The following IQCH variants were observed in gnomAD, a reference collection of about 807,000 sequenced individuals.
IQCH encodes IQ motif containing H.
A neutral mutation model predicts 117.0 loss-of-function variants in IQCH; 98 were observed. That is an observed-to-expected ratio of 0.84 (90% CI 0.71 to 0.99). IQCH has a LOEUF of 0.99. Ranked by LOEUF, IQCH falls within the 50% of genes least tolerant of loss-of-function variation. The pLI is 0.00. For synonymous variants in IQCH, 412 were observed against 448.2 expected (o/e 0.92, Z 1.02); for missense variants, 1,102 against 1,243.8 (o/e 0.89, Z 1.72).
rs1166119164 is a variant in IQCH at position 67,425,108 on chromosome 15, C to T, written c.2505+3531C>T. Among the ~76,000 whole-genome samples the T allele has an allele frequency of 6.6e-6, 1 of 151,974 alleles. No homozygotes were observed. The highest frequency in any genetic ancestry group is 2.4e-5 in the African/African-American group (1 of 41,366). On this transcript the variant is annotated intron_variant, in intron 16 of 20. Coordinates refer to ENST00000335894, the MANE Select transcript of IQCH (RefSeq NM_001031715.3). The surrounding 1 kb of genome is among the most constrained non-coding windows in gnomAD (Gnocchi z 5.5). ...CACACCTCTTCATATGTTTGTTTGC[C>T]CATTTATATATCTTTTCTTAATTGC...
chr15:67,278,626 A>G (rs1966225595), intron 3 of IQCH, among the ~76,000 whole-genome samples: 1 of 152,226 alleles, frequency 6.6e-6, no homozygotes, highest in Non-Finnish European at 1.5e-5. Context: ...TGTTGTGAGA[A>G]TAGGAATGAC....
Position 67,494,390 on chromosome 15 carries a change from T to G in IQCH, c.2970+24T>G. 1 of 1,490,160 alleles carries G rather than the reference T, an allele frequency of 6.7e-7. No individual in the cohort carries two copies. The highest frequency in any genetic ancestry group is 2.3e-5 in the East Asian group (1 of 44,260). The allele number at this position is 1,490,160 out of a possible 1,614,324, so 92.3% of individuals were successfully genotyped here. ...AGGTGAGGTGTTAATTAACTAACGA[T>G]TCTGGTTAATTTCTATACAAGGGCT... On this transcript the variant is annotated intron_variant, in intron 20 of 20. Coordinates refer to ENST00000335894, the MANE Select transcript of IQCH (RefSeq NM_001031715.3). The surrounding 1 kb of genome is among the most constrained non-coding windows in gnomAD (Gnocchi z 5.5).
chr15:67,359,630 CTT>C lies in IQCH; in HGVS notation c.715-215_715-214del, dbSNP rs1970047953. ...TTGTAAATATTTACTTAATCAAACTCTTTCTTCAAAGCAAACGGGGCTTGGCA... is the reference window on the plus strand; with the variant it reads ...TTGTAAATATTTACTTAATCAAACTCTCTTCAAAGCAAACGGGGCTTGGCA... On this transcript the variant is annotated intron_variant, in intron 7 of 20. Transcript: ENST00000335894. This position sits in a 1 kb window ranked among gnomAD's most constrained non-coding sequence, Gnocchi z 4.5. Among the ~76,000 whole-genome samples, 1 of 152,202 alleles carries C rather than the reference CTT, an allele frequency of 6.6e-6. No homozygotes were observed. The highest frequency in any genetic ancestry group is 2.4e-5 in the African/African-American group (1 of 41,438).
intron 16 of IQCH, among the ~76,000 whole-genome samples, chr15:67,460,250 G>T (rs1212415413): frequency 6.6e-6 from 1 of 152,168 alleles, no homozygotes; most frequent in African/African-American, 2.4e-5. Flanking sequence ...TGATAGTGCA[G>T]ATCTAGAATA....
chr15:67,280,056 TC>T (rs1966289488), intron 4 of IQCH, among the ~76,000 whole-genome samples: 1 of 152,298 alleles, frequency 6.6e-6, no homozygotes, highest in African/African-American at 2.4e-5. Flanking sequence ...TAATTACATC[TC>T]AATGAAGCTG....
chr15:67,397,958 A>G (rs549296631), intron 13 of IQCH, among the ~76,000 whole-genome samples: 1 of 152,294 alleles, frequency 6.6e-6, no homozygotes, highest in Admixed American at 6.5e-5. Flanking sequence ...ATAATCAAAA[A>G]TGGAGATGCT....
At chr15:67,280,415 C>T (rs934073556) in intron 4 of IQCH, among the ~76,000 whole-genome samples, 5 of 152,212 alleles carry the variant, frequency 3.3e-5, no homozygotes, top group Admixed American at 3.3e-4. Context: ...CTATTTCTTA[C>T]AGCTCTAGAG....
intron 15 of IQCH, among the ~76,000 whole-genome samples, chr15:67,419,504 G>T (rs2081668607): frequency 6.6e-6 from 1 of 152,072 alleles, no homozygotes; most frequent in Admixed American, 6.6e-5. Flanking sequence ...ATGTGCTAGG[G>T]TTTGATTTCT....
At chr15:67,348,472 G>A (rs1307492145) in intron 6 of IQCH, among the ~76,000 whole-genome samples, 1 of 151,918 alleles carries the variant, frequency 6.6e-6, no homozygotes, top group Non-Finnish European at 1.5e-5. Context: ...ATTTCAATTT[G>A]TTAGAAATGA....
chr15:67,307,125 TA>T (rs1967337957), intron 4 of IQCH: 2 of 1,130,314 alleles, frequency 1.8e-6, no homozygotes, highest in African/African-American at 3.2e-5. Context: ...AAAAAAATCA[TA>T]AAAACATTTT....
At chr15:67,421,790 G>T (rs895774090) in intron 16 of IQCH, among the ~76,000 whole-genome samples, 2 of 152,142 alleles carry the variant, frequency 1.3e-5, no homozygotes, top group African/African-American at 4.8e-5. Context: ...TCTCGTTCAG[G>T]TACAGTTGGA....
chr15:67,499,665 G>A (rs1241717145), intron 20 of IQCH, among the ~76,000 whole-genome samples: 2 of 151,964 alleles, frequency 1.3e-5, no homozygotes, highest in African/African-American at 4.8e-5. Context: ...TTAATAGAAG[G>A]AATATTCATA....
chr15:67,382,145 C>T (rs145615788), intron 10 of IQCH, among the ~76,000 whole-genome samples: 3 of 152,130 alleles, frequency 2.0e-5, no homozygotes, highest in Non-Finnish European at 4.4e-5. Flanking sequence ...ACAAAGTAAA[C>T]AACCAAGCAA....
rs1040939248 is a variant in IQCH at position 67,473,895 on chromosome 15, G to T, written c.2677-1801G>T. Among the ~76,000 whole-genome samples the T allele has an allele frequency of 6.6e-6, 1 of 152,178 alleles. No individual in the cohort carries two copies. Among genetic ancestry groups the T allele is most frequent in the Non-Finnish European group, 1.5e-5 (1 of 68,028 alleles). On this transcript the variant is annotated intron_variant, in intron 17 of 20. Transcript: ENST00000335894. This position sits in a 1 kb window ranked among gnomAD's most constrained non-coding sequence, Gnocchi z 4.9. ...ACTCAAGATGTATTAGCCTGTGGGG[G>T]CCTAACTCGTCTGTAGATGTGGACT...
At chr15:67,261,467 T>C (rs1438525758) in intron 2 of IQCH, 73 bp downstream of exon 2, 1 of 1,300,244 alleles carries the variant, frequency 7.7e-7, no homozygotes, top group African/African-American at 1.5e-5. Flanking sequence ...ATTGCAGTTC[T>C]CATAGAGTCC....
intron 14 of IQCH, among the ~76,000 whole-genome samples, chr15:67,412,121 C>CTAATTGCA (rs1567166383): frequency 6.6e-6 from 1 of 152,220 alleles, no homozygotes; most frequent in Non-Finnish European, 1.5e-5. Context: ...AAGCTAGCCG[C>CTAATTGCA]TAATTGCATT....
chr15:67,255,497 A>T (rs1036104997), intron 1 of IQCH, among the ~76,000 whole-genome samples: 1 of 152,246 alleles, frequency 6.6e-6, no homozygotes, highest in African/African-American at 2.4e-5. Flanking sequence ...TGAGAGGGGA[A>T]ATGTCAAGAA....
intron 9 of IQCH, 64 bp from the exon 10 acceptor site, chr15:67,373,303 A>T: frequency 9.6e-7 from 1 of 1,042,790 alleles, no homozygotes; most frequent in Non-Finnish European, 1.5e-6. Flanking sequence ...AAAACAGCTG[A>T]AGTTTGACTA....
intron 4 of IQCH, among the ~76,000 whole-genome samples, chr15:67,301,877 T>C (rs963526411): frequency 1.8e-4 from 27 of 152,188 alleles, no homozygotes; most frequent in African/African-American, 6.3e-4. Flanking sequence ...CTCAAATGAT[T>C]GCTTTCGAAC....
Sources: gnomAD v4.1 joint callset for allele counts (sites outside exome capture counted in the v4.1 genomes callset) on GRCh38, gnomAD v4.1.1 for gene constraint, Gnocchi (gnomAD v3.1) non-coding constraint, MANE v1.5 for transcripts, NCBI Gene and HGNC (gene_info 2026-07-23, HGNC 2026-07-21) for gene names.